Variants in IGF2BP3 observed in about 807,000 individuals in gnomAD.
IGF2BP3 encodes insulin like growth factor 2 mRNA binding protein 3.
Under a neutral mutation model 73.8 loss-of-function variants are expected in IGF2BP3, and 9 were observed. The observed-to-expected ratio is 0.12, with a 90% CI of 0.07 to 0.21. The LOEUF (loss-of-function observed/expected upper bound fraction) is 0.21. IGF2BP3 is among the 10% of genes least tolerant of loss of function. The pLI, the probability that IGF2BP3 is intolerant of heterozygous loss-of-function variation, is 1.00. For synonymous variants in IGF2BP3, 258 were observed against 256.7 expected (o/e 1.01, Z -0.05); for missense variants, 542 against 714.0 (o/e 0.76, Z 2.75).
chr7:23,413,050 G>C (rs1479146481), intron 3 of IGF2BP3, among the ~76,000 whole-genome samples: 1 of 150,508 alleles, frequency 6.6e-6, no homozygotes, highest in Non-Finnish European at 1.5e-5. Context: ...AGTTAAGATG[G>C]GGTTTCTCCA....
At chr7:23,439,058 C>T (rs922211265) in intron 2 of IGF2BP3, among the ~76,000 whole-genome samples, 2 of 151,976 alleles carry the variant, frequency 1.3e-5, no homozygotes, top group Non-Finnish European at 2.9e-5. Context: ...GCCTGGGCAA[C>T]GAAGTGAGAC....
At chr7:23,363,898 A>G (rs1322302737) in intron 3 of IGF2BP3, among the ~76,000 whole-genome samples, 2 of 152,246 alleles carry the variant, frequency 1.3e-5, no homozygotes, top group African/African-American at 2.4e-5. Context: ...GAAACCTCTC[A>G]CGTTGCCATT....
In IGF2BP3 at chr7:23,406,522, C is replaced by A. The variant is rs148851571; in HGVS notation, c.285+12254G>T. Among the ~76,000 whole-genome samples, 256 of 152,224 alleles carry A rather than the reference C, an allele frequency of 1.7e-3. 2 individuals are homozygous for A. The highest frequency in any genetic ancestry group is 5.9e-3 in the African/African-American group (246 of 41,528). ...TTCTTCCTTCCAGTGGGTTCGTGGT[C>A]TTGCTGACTTCAGGAGTGAAGCCGC... On this transcript the variant is annotated intron_variant, in intron 3 of 14. Transcript: ENST00000258729.
At chr7:23,331,186 T>C (rs922697020) in intron 10 of IGF2BP3, among the ~76,000 whole-genome samples, 4 of 152,214 alleles carry the variant, frequency 2.6e-5, no homozygotes, top group African/African-American at 7.2e-5. Flanking sequence ...ATAAAATACA[T>C]GTACTACCAT....
At chr7:23,415,627 G>T in intron 3 of IGF2BP3, 1 of 209,762 alleles carries the variant, frequency 4.8e-6, no homozygotes. Flanking sequence ...TGGACACTCT[G>T]AACAAGATGT....
At chr7:23,462,609 A>G (rs12535787) in intron 2 of IGF2BP3, among the ~76,000 whole-genome samples, 52,815 of 151,948 alleles carry the variant, frequency 0.35, 9,561 homozygotes, top group Middle Eastern at 0.42. Flanking sequence ...TGATCCACCC[A>G]CCTCGGCCTC....
chr7:23,320,642 T>C (rs1371781153), intron 10 of IGF2BP3, among the ~76,000 whole-genome samples: 2 of 141,890 alleles, frequency 1.4e-5, no homozygotes, highest in Non-Finnish European at 3.0e-5. Flanking sequence ...TATGCTTTTG[T>C]TTAAAAAAAA....
chr7:23,432,999 C>A (rs1341481970), intron 2 of IGF2BP3, among the ~76,000 whole-genome samples: 1 of 152,186 alleles, frequency 6.6e-6, no homozygotes, highest in Non-Finnish European at 1.5e-5. Context: ...CGCAGTTGAA[C>A]AGTTACTATT....
rs545161725 is a variant in IGF2BP3, at chr7:23,439,059, G to A, written c.237-20235C>T. 2.0e-5 allele frequency among the ~76,000 whole-genome samples: 3 copies of A among 152,008 alleles called. No homozygotes were observed. The South Asian group carries it at 6.2e-4, about 32-fold the overall frequency. ...GGAGCTAAAGACCAGCCTGGGCAAC[G>A]AAGTGAGACCTCATCTCAACAAAAA... is the stretch of plus-strand genomic sequence containing the variant. On this transcript the variant is annotated intron_variant, in intron 2 of 14. Coordinates refer to ENST00000258729, the MANE Select transcript of IGF2BP3 (RefSeq NM_006547.3).
At chr7:23,386,020 A>G (rs937781772) in intron 3 of IGF2BP3, among the ~76,000 whole-genome samples, 13 of 152,206 alleles carry the variant, frequency 8.5e-5, no homozygotes, top group African/African-American at 3.1e-4. Flanking sequence ...ATTTCTAATG[A>G]AATTACTTAT....
At chr7:23,452,880 GAGGC>G (rs1354884676) in intron 2 of IGF2BP3, among the ~76,000 whole-genome samples, 2 of 150,978 alleles carry the variant, frequency 1.3e-5, no homozygotes, top group African/African-American at 4.9e-5. Context: ...TTGGGAGGCC[GAGGC>G]AGGCAGATAA....
At chr7:23,342,302 A>G in intron 9 of IGF2BP3, 113 bp from the exon 10 acceptor site, 1 of 1,184,502 alleles carries the variant, frequency 8.4e-7, no homozygotes, top group African/African-American at 1.5e-5. Flanking sequence ...AAATGATTGT[A>G]TAACTCAAAG....
At chr7:23,401,226 T>C (rs1350802477) in intron 3 of IGF2BP3, among the ~76,000 whole-genome samples, 1 of 152,022 alleles carries the variant, frequency 6.6e-6, no homozygotes, top group Non-Finnish European at 1.5e-5. Flanking sequence ...TGTGGCCGAG[T>C]AGTAGGACCC....
intron 10 of IGF2BP3, among the ~76,000 whole-genome samples, chr7:23,325,127 C>A (rs1275462343): frequency 1.0e-3 from 159 of 151,838 alleles, no homozygotes; most frequent in African/African-American, 3.7e-3. Context: ...AGAGGAAGTC[C>A]AATTGTCCCT....
intron 3 of IGF2BP3, among the ~76,000 whole-genome samples, chr7:23,367,838 T>C (rs1239806796): frequency 6.6e-6 from 1 of 151,980 alleles, no homozygotes; most frequent in East Asian, 1.9e-4. Context: ...CCATCTCTAC[T>C]AAATATACAA....
chr7:23,439,448 A>T (rs2128544524), intron 2 of IGF2BP3, among the ~76,000 whole-genome samples: 1 of 149,912 alleles, frequency 6.7e-6, no homozygotes, highest in East Asian at 2.0e-4. Context: ...AGTCCCAGCT[A>T]CTTGGGAGGC....
intron 3 of IGF2BP3, among the ~76,000 whole-genome samples, chr7:23,398,820 G>C (rs1303285524): frequency 2.6e-5 from 4 of 152,300 alleles, no homozygotes; most frequent in African/African-American, 9.6e-5. Context: ...CCCTTTGTCA[G>C]ATGAGTAGGT....
chr7:23,388,092 C>T (rs759100146), intron 3 of IGF2BP3, among the ~76,000 whole-genome samples: 6 of 152,114 alleles, frequency 3.9e-5, no homozygotes, highest in Non-Finnish European at 7.4e-5. Flanking sequence ...AGGTGCCCGA[C>T]ACCACGCCCG....
At chr7:23,327,653 A>C (rs189747734) in intron 10 of IGF2BP3, among the ~76,000 whole-genome samples, 26 of 152,300 alleles carry the variant, frequency 1.7e-4, no homozygotes, top group Admixed American at 1.6e-3. Flanking sequence ...AACTAGGTAG[A>C]AATCTTTAAA....
Sources: allele counts gnomAD v4.1 joint callset (sites outside exome capture counted in the v4.1 genomes callset), GRCh38; gene constraint gnomAD v4.1.1; transcripts MANE v1.5; gene names NCBI Gene and HGNC (gene_info 2026-07-23, HGNC 2026-07-21).